The following SOX5 variants were observed in gnomAD, a reference collection of about 807,000 sequenced individuals.
SOX5 encodes transcription factor SOX-5.
A neutral mutation model predicts 92.0 loss-of-function variants in SOX5; 9 were observed. The observed-to-expected ratio is 0.10, with a 90% CI of 0.06 to 0.17. SOX5 has a LOEUF of 0.17. SOX5 is among the 10% of genes least tolerant of loss of function. SOX5 has a pLI of 1.00. For synonymous variants in SOX5, 344 were observed against 336.3 expected (o/e 1.02, Z -0.25); for missense variants, 642 against 944.5 (o/e 0.68, Z 4.20).
chr12:24,357,778 T>C (rs1955035919), intron 2 of SOX5, among the ~76,000 whole-genome samples: 1 of 149,632 alleles, frequency 6.7e-6, no homozygotes, highest in African/African-American at 2.5e-5. Context: ...GAGGCGGAGG[T>C]TGCAGTGAGG....
At chr12:24,512,091 T>C (rs932387973) in intron 1 of SOX5, among the ~76,000 whole-genome samples, 1 of 152,080 alleles carries the variant, frequency 6.6e-6, no homozygotes, top group Non-Finnish European at 1.5e-5. Context: ...TCACGGGGAA[T>C]ATAAACAGAA....
intron 4 of SOX5, among the ~76,000 whole-genome samples, chr12:24,144,875 A>T (rs1198125197): frequency 1.3e-5 from 2 of 152,100 alleles, no homozygotes; most frequent in Non-Finnish European, 2.9e-5. Context: ...GAAAAATGGA[A>T]ATATACTATT....
At chr12:24,197,249 T>C (rs1210670413) in intron 4 of SOX5, among the ~76,000 whole-genome samples, 2 of 152,206 alleles carry the variant, frequency 1.3e-5, no homozygotes, top group African/African-American at 2.4e-5. Flanking sequence ...TGCCAAATAT[T>C]TGCTGAAGAC....
chr12:23,862,653 T>C (rs1190975062), intron 2 of SOX5, among the ~76,000 whole-genome samples: 1 of 152,184 alleles, frequency 6.6e-6, no homozygotes, highest in African/African-American at 2.4e-5. Flanking sequence ...CCTTGTACAT[T>C]CCAACGAATA....
intron 4 of SOX5, among the ~76,000 whole-genome samples, chr12:24,138,614 A>G (rs1484066339): frequency 1.3e-5 from 2 of 152,186 alleles, no homozygotes; most frequent in African/African-American, 4.8e-5. Context: ...GGGTATGGGG[A>G]AAATGTTTGC....
intron 1 of SOX5, among the ~76,000 whole-genome samples, chr12:24,511,946 A>T (rs1479429914): frequency 7.2e-6 from 1 of 138,828 alleles, no homozygotes; most frequent in Non-Finnish European, 1.5e-5. Flanking sequence ...CAACAGAGTG[A>T]GACTCCATCT....
At chr12:24,511,657 A>AT (rs1055730022) in intron 1 of SOX5, among the ~76,000 whole-genome samples, 2 of 152,014 alleles carry the variant, frequency 1.3e-5, no homozygotes, top group African/African-American at 4.8e-5. Context: ...ACGACATTTT[A>AT]TTTTTTTTAA....
chr12:23,802,797 T>C (rs1279666655), intron 3 of SOX5, among the ~76,000 whole-genome samples: 1 of 152,204 alleles, frequency 6.6e-6, no homozygotes, highest in Non-Finnish European at 1.5e-5. Flanking sequence ...GTAATTATCT[T>C]AACTCTGCAA....
At chr12:23,536,312 G>A in intron 14 of SOX5, 141 bp downstream of exon 14, 1 of 665,128 alleles carries the variant, frequency 1.5e-6, no homozygotes, top group Non-Finnish European at 2.6e-6. Flanking sequence ...AGATCATGTG[G>A]GAGACTATTT....
chr12:23,770,048 G>GTTTTTTT (rs71059922), intron 3 of SOX5, among the ~76,000 whole-genome samples: 1 of 106,520 alleles, frequency 9.4e-6, no homozygotes, highest in African/African-American at 3.6e-5. Flanking sequence ...TGCTCCCTCT[G>GTTTTTTT]TTTTTTTTTT....
chr12:24,150,428 A>G (rs1951538879), intron 4 of SOX5, among the ~76,000 whole-genome samples: 1 of 152,186 alleles, frequency 6.6e-6, no homozygotes, highest in African/African-American at 2.4e-5. Context: ...TGGTAGCTTC[A>G]AGTGAAAATG....
At chr12:24,137,661 C>CA (rs201393495) in intron 4 of SOX5, among the ~76,000 whole-genome samples, 1,946 of 152,012 alleles carry the variant, frequency 0.013, 44 homozygotes, top group African/African-American at 0.045. Context: ...AAAAACAAAA[C>CA]AAAAAAACTC....
chr12:23,879,424 T>C (rs1312591922), intron 2 of SOX5, among the ~76,000 whole-genome samples: 1 of 152,170 alleles, frequency 6.6e-6, no homozygotes, highest in Non-Finnish European at 1.5e-5. Context: ...AAATAATACA[T>C]AGCATAGAAA....
intron 1 of SOX5, among the ~76,000 whole-genome samples, chr12:24,512,057 C>T (rs777717680): frequency 6.6e-6 from 1 of 151,782 alleles, no homozygotes; most frequent in Non-Finnish European, 1.5e-5. Context: ...CAATGAAGTA[C>T]CACTATTTAA....
intron 6 of SOX5, among the ~76,000 whole-genome samples, chr12:23,706,799 T>G (rs1567117035): frequency 6.6e-6 from 1 of 152,030 alleles, no homozygotes; most frequent in Non-Finnish European, 1.5e-5. Context: ...GGCATTTTCA[T>G]GTCACTATAA....
intron 2 of SOX5, among the ~76,000 whole-genome samples, chr12:24,316,858 C>T (rs1002801219): frequency 5.3e-5 from 8 of 152,060 alleles, no homozygotes; most frequent in African/African-American, 1.9e-4. Context: ...CTAGTGTGAG[C>T]AAGAAGCTGG....
chr12:24,068,987 T>TG (rs1312636739), intron 4 of SOX5, among the ~76,000 whole-genome samples: 12 of 147,902 alleles, frequency 8.1e-5, no homozygotes, highest in East Asian at 2.0e-4. Context: ...AGCAGGAATT[T>TG]GGGAAAAAAA....
At chr12:24,298,659 AT>A (rs1947574518) in intron 2 of SOX5, among the ~76,000 whole-genome samples, 1 of 151,570 alleles carries the variant, frequency 6.6e-6, no homozygotes, top group Non-Finnish European at 1.5e-5. Context: ...TATTTTACAT[AT>A]ACTTTTTTCA....
intron 4 of SOX5, among the ~76,000 whole-genome samples, chr12:24,172,102 C>G (rs1006684012): frequency 1.3e-5 from 2 of 151,388 alleles, no homozygotes; most frequent in African/African-American, 4.9e-5. Flanking sequence ...TGCGTGCGCG[C>G]GTGTGTGTCT....
Sources: gnomAD v4.1 joint callset for allele counts (sites outside exome capture counted in the v4.1 genomes callset) on GRCh38, gnomAD v4.1.1 for gene constraint, MANE v1.5 for transcripts, NCBI Gene and HGNC (gene_info 2026-07-23, HGNC 2026-07-21) for gene names.